Variants in MACROD2 observed in about 807,000 individuals in gnomAD.
MACROD2 encodes ADP-ribose glycohydrolase MACROD2.
A neutral mutation model predicts 70.4 loss-of-function variants in MACROD2; 36 were observed. The ratio of observed to expected loss-of-function variants is 0.51; its 90% CI spans 0.39 to 0.68. The LOEUF is 0.68. MACROD2 is among the 30% of genes least tolerant of loss of function. The pLI is 0.00. For synonymous variants in MACROD2, 172 were observed against 178.8 expected (o/e 0.96, Z 0.30); for missense variants, 496 against 538.4 (o/e 0.92, Z 0.78).
chr20:15,132,175 G>A (rs2076111117), intron 5 of MACROD2, among the ~76,000 whole-genome samples: 1 of 151,956 alleles, frequency 6.6e-6, no homozygotes, highest in African/African-American at 2.4e-5. Context: ...GACTATAATT[G>A]TATAAATCTT....
At chr20:14,233,474 C>T (rs192073728) in intron 3 of MACROD2, among the ~76,000 whole-genome samples, 3 of 151,492 alleles carry the variant, frequency 2.0e-5, no homozygotes, top group Admixed American at 6.6e-5. Context: ...GGGAGGATCA[C>T]GAGGTCAGGA....
At chr20:15,186,822 G>T (rs2076537738) in intron 5 of MACROD2, among the ~76,000 whole-genome samples, 1 of 150,544 alleles carries the variant, frequency 6.6e-6, no homozygotes, top group African/African-American at 2.4e-5. Context: ...TCCACTTGCG[G>T]ATATCTTAGA....
chr20:14,026,828 C>T (rs887226280), intron 2 of MACROD2, among the ~76,000 whole-genome samples: 2 of 151,716 alleles, frequency 1.3e-5, no homozygotes, highest in East Asian at 1.9e-4. Context: ...TGTCTTGGGA[C>T]ACATAATAAG....
chr20:14,691,066 C>T (rs111622527), intron 5 of MACROD2, among the ~76,000 whole-genome samples: 2 of 152,178 alleles, frequency 1.3e-5, no homozygotes, highest in African/African-American at 4.8e-5. Flanking sequence ...TACAGGCATG[C>T]GCCACAACAC....
In MACROD2 at chr20:15,817,768, G is replaced by T. The variant is rs191467730; in HGVS notation, c.646-44977G>T. On this transcript the variant is annotated intron_variant, in intron 8 of 17. Transcript: ENST00000684519. Reference sequence around the variant, plus strand: ...CCTCCTCTCCATCTCACCCTTTAAAGTCCAGATGAAGGTTTTAAATTGCAA... The same window carrying T: ...CCTCCTCTCCATCTCACCCTTTAAATTCCAGATGAAGGTTTTAAATTGCAA... 1.3e-3 allele frequency among the ~76,000 whole-genome samples: 191 copies of T among 152,166 alleles called. 1 individual carries two copies. Among genetic ancestry groups the T allele is most frequent in the Non-Finnish European group, 2.2e-3 (151 of 68,010 alleles).
intron 8 of MACROD2, among the ~76,000 whole-genome samples, chr20:15,550,478 C>A (rs2048080642): frequency 6.6e-6 from 1 of 151,906 alleles, no homozygotes; most frequent in Non-Finnish European, 1.5e-5. Flanking sequence ...TCAGTTAGTC[C>A]CATTATTTGT....
Position 15,892,530 on chromosome 20 carries a change from C to A in MACROD2, c.775+6719C>A, listed in dbSNP as rs73614474. Among the ~76,000 whole-genome samples, 707 of 152,210 alleles carry A rather than the reference C, an allele frequency of 4.6e-3. 3 individuals are homozygous for A. The highest frequency in any genetic ancestry group is 0.023 in the South Asian group (112 of 4,816). ...TCCTTTCTCCATTCCTCTAGCCCTG[C>A]GTTCAGGACTGAGTAAGATGAAATT... is the stretch of plus-strand genomic sequence containing the variant. On this transcript the variant is annotated intron_variant, in intron 10 of 17. Coordinates refer to ENST00000684519, the MANE Select transcript of MACROD2 (RefSeq NM_001351661.2).
At chr20:14,514,589 AT>A (rs565288273) in intron 4 of MACROD2, among the ~76,000 whole-genome samples, 127 of 152,048 alleles carry the variant, frequency 8.4e-4, no homozygotes, top group African/African-American at 2.9e-3. Context: ...AAACCACTGA[AT>A]TTTTTTTATC....
intron 5 of MACROD2, among the ~76,000 whole-genome samples, chr20:14,712,575 T>C (rs2071350742): frequency 6.6e-6 from 1 of 152,188 alleles, no homozygotes; most frequent in East Asian, 1.9e-4. Flanking sequence ...TTGGCTATTT[T>C]ACCACATCTC....
intron 7 of MACROD2, among the ~76,000 whole-genome samples, chr20:15,462,314 C>G (rs1568826048): frequency 6.6e-6 from 1 of 152,164 alleles, no homozygotes; most frequent in Non-Finnish European, 1.5e-5. Context: ...GTTGAGATAG[C>G]TAGTAATAAT....
At chr20:15,787,004 A>T (rs2051940648) in intron 8 of MACROD2, among the ~76,000 whole-genome samples, 1 of 151,966 alleles carries the variant, frequency 6.6e-6, no homozygotes, top group Admixed American at 6.5e-5. Flanking sequence ...ACAGAGTCTC[A>T]CTCTGTCGCC....
chr20:14,862,320 TATATATAAAAATATATATTA>T (rs1202050814), intron 5 of MACROD2, among the ~76,000 whole-genome samples: 13 of 37,096 alleles, frequency 3.5e-4, no homozygotes, highest in Non-Finnish European at 4.4e-4. Context: ...TATGTAAATA[TATATATAAAAATATATATTA>T]ATATATAAAA....
At chr20:15,067,505 A>G (rs1023494161) in intron 5 of MACROD2, among the ~76,000 whole-genome samples, 3 of 152,046 alleles carry the variant, frequency 2.0e-5, no homozygotes, top group Admixed American at 1.3e-4. Flanking sequence ...GTGGGCCACC[A>G]CACCCGGCTA....
chr20:15,206,957 C>T (rs1200566051), intron 5 of MACROD2, among the ~76,000 whole-genome samples: 3 of 150,522 alleles, frequency 2.0e-5, no homozygotes, highest in Admixed American at 1.3e-4. Flanking sequence ...AGGATGGCCT[C>T]GATCTCCTGA....
intron 8 of MACROD2, among the ~76,000 whole-genome samples, chr20:15,766,636 C>T (rs1359931571): frequency 6.6e-6 from 1 of 152,150 alleles, no homozygotes; most frequent in African/African-American, 2.4e-5. Context: ...CATGGTCAAA[C>T]TTTATGGACA....
intron 8 of MACROD2, among the ~76,000 whole-genome samples, chr20:15,574,437 T>C (rs2146633180): frequency 6.6e-6 from 1 of 152,280 alleles, no homozygotes; most frequent in Middle Eastern, 3.4e-3. Flanking sequence ...AACATGTATT[T>C]TACCTGAATT....
chr20:15,526,548 C>T (rs904969708), intron 8 of MACROD2, among the ~76,000 whole-genome samples: 2 of 152,058 alleles, frequency 1.3e-5, no homozygotes, highest in Admixed American at 1.3e-4. Flanking sequence ...AGCCAAGTAG[C>T]AAGAATGAGT....
At chr20:14,362,710 T>C (rs1167362933) in intron 3 of MACROD2, among the ~76,000 whole-genome samples, 1 of 151,986 alleles carries the variant, frequency 6.6e-6, no homozygotes, top group Non-Finnish European at 1.5e-5. Flanking sequence ...AGGAAGAGAA[T>C]TAACGATAGA....
At chr20:15,328,066 G>T (rs1380559282) in intron 6 of MACROD2, among the ~76,000 whole-genome samples, 1 of 152,002 alleles carries the variant, frequency 6.6e-6, no homozygotes, top group Non-Finnish European at 1.5e-5. Flanking sequence ...GATCAGAAGG[G>T]TCAAATAATT....
Sources: allele counts gnomAD v4.1 joint callset (sites outside exome capture counted in the v4.1 genomes callset), GRCh38; gene constraint gnomAD v4.1.1; transcripts MANE v1.5; gene names NCBI Gene and HGNC (gene_info 2026-07-23, HGNC 2026-07-21).